Variants in TEAD1 observed in about 807,000 individuals in gnomAD.
TEAD1 encodes the protein TEA domain transcription factor 1.
TEAD1 carries 9 observed loss-of-function variants against 54.9 expected under a neutral mutation model. The ratio of observed to expected loss-of-function variants is 0.16; its 90% CI spans 0.10 to 0.29. The LOEUF (loss-of-function observed/expected upper bound fraction) is 0.29, where lower values mean the gene tolerates loss of function less well. TEAD1 is among the 10% of genes least tolerant of loss of function. The pLI is 1.00. For synonymous variants in TEAD1, 200 were observed against 187.8 expected, an observed-to-expected ratio of 1.07 and a Z score of -0.53; for missense variants, 387 against 535.9, an observed-to-expected ratio of 0.72 and a Z score of 2.74.
chr11:12,683,751 GAATT>G (rs1306293536), intron 2 of TEAD1, among the ~76,000 whole-genome samples: 3 of 152,184 alleles, frequency 2.0e-5, no homozygotes, highest in African/African-American at 7.2e-5. Context: ...TGGCTGTGAG[GAATT>G]AATTGAAAGG....
At chr11:12,719,824 G>A (rs1202440594) in intron 2 of TEAD1, among the ~76,000 whole-genome samples, 1 of 151,864 alleles carries the variant, frequency 6.6e-6, no homozygotes, top group Non-Finnish European at 1.5e-5. Flanking sequence ...TATGGTTTGT[G>A]AAAAAACATT....
At chr11:12,818,818 T>TA (rs1946470191) in intron 3 of TEAD1, among the ~76,000 whole-genome samples, 1 of 152,160 alleles carries the variant, frequency 6.6e-6, no homozygotes, top group Admixed American at 6.6e-5. Context: ...TCATGCTTAG[T>TA]GGTGGAAATA....
At chr11:12,841,670 G>C (rs2134035174) in intron 3 of TEAD1, among the ~76,000 whole-genome samples, 2 of 152,300 alleles carry the variant, frequency 1.3e-5, no homozygotes, top group African/African-American at 4.8e-5. Flanking sequence ...AGCTCCTTCA[G>C]TGTTTAGAGG....
chr11:12,689,698 CTT>C (rs1943413033), intron 2 of TEAD1, among the ~76,000 whole-genome samples: 1 of 152,032 alleles, frequency 6.6e-6, no homozygotes, highest in South Asian at 2.1e-4. Context: ...TTTTCAGTGT[CTT>C]TGCTTTGGGA....
At chr11:12,697,851 C>T (rs191375179) in intron 2 of TEAD1, among the ~76,000 whole-genome samples, 5 of 152,156 alleles carry the variant, frequency 3.3e-5, no homozygotes, top group East Asian at 1.9e-4. Flanking sequence ...GATGAAACTC[C>T]GTCTCTACTA....
chr11:12,870,113 C>T lies in TEAD1; in HGVS notation c.330+5213C>T, dbSNP rs529027789. ...CAGGCTGGTCTCGAACTCCTGACCT[C>T]AAGTGATGCGCCTGCCTCAGCCTCC... On this transcript the variant is annotated intron_variant, in intron 5 of 12. Transcript: ENST00000527636. 4.6e-5 allele frequency among the ~76,000 whole-genome samples: 7 copies of T among 152,280 alleles called. No individual in the cohort carries two copies. In the South Asian group the frequency reaches 1.2e-3, roughly 27 times the overall value.
rs1949168502 is a variant in TEAD1 at position 12,942,293 on chromosome 11, A to G, written c.*5071A>G. The G allele has an allele frequency of 6.6e-6, 1 of 152,632 alleles. No individual in the cohort carries two copies. The highest frequency in any genetic ancestry group is 1.5e-5 in the Non-Finnish European group (1 of 68,046). 9.5% of individuals were successfully genotyped at this position (152,632 alleles called of 1,614,324 possible). ...ACGATAATTTGTAGAGAGACCAAAA[A>G]TATTTTGAGATCACCGTAATGCCTT... On this transcript the variant is annotated 3_prime_UTR_variant, in exon 13 of 13. Transcript: ENST00000527636.
chr11:12,930,489 T>C (rs1014169817), intron 12 of TEAD1, among the ~76,000 whole-genome samples, 163 bp downstream of exon 12: 4 of 152,184 alleles, frequency 2.6e-5, no homozygotes, highest in African/African-American at 9.7e-5. Flanking sequence ...GCATCATCCA[T>C]AGGGAAAACT....
At chr11:12,919,696 C>T (rs1325522154) in intron 10 of TEAD1, among the ~76,000 whole-genome samples, 1 of 151,978 alleles carries the variant, frequency 6.6e-6, no homozygotes, top group African/African-American at 2.4e-5. Context: ...GATGGCATCT[C>T]CCTATGTTGC....
At chr11:12,761,421 T>C (rs139192863) in intron 2 of TEAD1, among the ~76,000 whole-genome samples, 1 of 152,352 alleles carries the variant, frequency 6.6e-6, no homozygotes, top group East Asian at 1.9e-4. Flanking sequence ...TGTGCAGTTA[T>C]GATTCAGAAG....
chr11:12,852,578 G>A (rs945577402), intron 3 of TEAD1, among the ~76,000 whole-genome samples: 1 of 151,802 alleles, frequency 6.6e-6, no homozygotes, highest in Non-Finnish European at 1.5e-5. Context: ...CTCCCTAGTA[G>A]CTGGGATTAC....
At chr11:12,852,176 G>GA (rs1278981596) in intron 3 of TEAD1, among the ~76,000 whole-genome samples, 3 of 152,216 alleles carry the variant, frequency 2.0e-5, no homozygotes, top group Non-Finnish European at 4.4e-5. Flanking sequence ...GGAACTCTAT[G>GA]AAGAGCCACA....
chr11:12,798,698 T>A (rs557267632), intron 3 of TEAD1, among the ~76,000 whole-genome samples: 16 of 152,370 alleles, frequency 1.1e-4, no homozygotes, highest in African/African-American at 3.8e-4. Context: ...ACACCTTGTA[T>A]TTACGGTTGA....
At chr11:12,755,474 A>C (rs1219705436) in intron 2 of TEAD1, among the ~76,000 whole-genome samples, 1 of 152,000 alleles carries the variant, frequency 6.6e-6, no homozygotes, top group African/African-American at 2.4e-5. Flanking sequence ...TGGTTAGTCT[A>C]CCCCAAGTGT....
At chr11:12,758,183 G>A (rs562163501) in intron 2 of TEAD1, among the ~76,000 whole-genome samples, 3 of 151,906 alleles carry the variant, frequency 2.0e-5, no homozygotes, top group Non-Finnish European at 4.4e-5. Context: ...GGGACACTGG[G>A]GTGCAAATGG....
rs140171216 is a variant in TEAD1 at position 12,857,067 on chromosome 11, G to A, written c.203-5183G>A. Among the ~76,000 whole-genome samples the A allele has an allele frequency of 3.9e-5, 6 of 152,276 alleles. No homozygotes were observed. In the East Asian group the frequency reaches 9.6e-4, roughly 24 times the overall value. On this transcript the variant is annotated intron_variant, in intron 3 of 12. Transcript: ENST00000527636. ...CAGTCTTCTATCTGGTAAGGCAAGCGCAGTGCAAACTCCATGCCTTTCTTC... is the reference window on the plus strand; with the variant it reads ...CAGTCTTCTATCTGGTAAGGCAAGCACAGTGCAAACTCCATGCCTTTCTTC...
chr11:12,834,241 A>G (rs1242760768), intron 3 of TEAD1, among the ~76,000 whole-genome samples: 3 of 152,194 alleles, frequency 2.0e-5, no homozygotes, highest in Admixed American at 2.0e-4. Context: ...GTTATGTGGA[A>G]TAGATTTTCT....
Position 12,862,187 on chromosome 11 carries a change from C to T in TEAD1, c.203-63C>T, listed in dbSNP as rs1217728115. On this transcript the variant is annotated intron_variant, in intron 3 of 12. Transcript: ENST00000527636. Reference sequence around the variant, plus strand: ...GATTCTGAATTTTGTTTTTTGCTTTCAAGGGCTTTGTTGGTTTGGTGTTTT... The same window carrying T: ...GATTCTGAATTTTGTTTTTTGCTTTTAAGGGCTTTGTTGGTTTGGTGTTTT... 2.2e-6 allele frequency: 3 copies of T among 1,390,846 alleles called. No individual in the cohort carries two copies. In the African/African-American group the frequency reaches 4.3e-5, roughly 20 times the overall value. The allele number at this position is 1,390,846 out of a possible 1,614,324, so 86.2% of individuals were successfully genotyped here. A position where few individuals can be genotyped will look rare whatever the true frequency, so the allele number is the denominator to read the frequency against.
chr11:12,797,977 T>C (rs571878486), intron 3 of TEAD1, among the ~76,000 whole-genome samples: 1 of 152,318 alleles, frequency 6.6e-6, no homozygotes, highest in East Asian at 1.9e-4. Flanking sequence ...AATTGCCTGA[T>C]ACCTGGATGA....
Sources: allele counts gnomAD v4.1 joint callset (sites outside exome capture counted in the v4.1 genomes callset), GRCh38; gene constraint gnomAD v4.1.1; transcripts MANE v1.5; gene names NCBI Gene and HGNC (gene_info 2026-07-23, HGNC 2026-07-21).